The following RCL1 variants were observed in gnomAD, a reference collection of about 807,000 sequenced individuals.
RCL1 encodes RNA 3'-terminal phosphate cyclase-like protein.
Under a neutral mutation model 42.4 loss-of-function variants are expected in RCL1, and 24 were observed. That is an observed-to-expected ratio of 0.57 (90% CI 0.41 to 0.80). RCL1 has a LOEUF of 0.80. RCL1 is among the 30% of genes least tolerant of loss of function. The pLI, the probability that RCL1 is intolerant of heterozygous loss-of-function variation, is 0.00. For missense variants in RCL1, 578 were observed against 467.9 expected (o/e 1.24, Z -2.17); for synonymous variants, 228 against 177.3 (o/e 1.29, Z -2.27).
chr9:4,821,352 T>C (rs866734310), intron 1 of RCL1, among the ~76,000 whole-genome samples: 29 of 152,208 alleles, frequency 1.9e-4, no homozygotes, highest in African/African-American at 6.3e-4. Context: ...CAGGGCAGTC[T>C]GTTTGGCATT....
intron 6 of RCL1, among the ~76,000 whole-genome samples, chr9:4,842,594 T>C (rs556639471): frequency 3.6e-4 from 55 of 152,344 alleles, no homozygotes; most frequent in Admixed American, 2.7e-3. Context: ...CATTTATGCA[T>C]TGAGGGTGAT....
chr9:4,805,269 T>A (rs1843083752), intron 1 of RCL1, among the ~76,000 whole-genome samples: 1 of 152,096 alleles, frequency 6.6e-6, no homozygotes, highest in African/African-American at 2.4e-5. Context: ...GGACCTGTAG[T>A]CCCAGCTACT....
intron 1 of RCL1, among the ~76,000 whole-genome samples, chr9:4,813,676 T>C (rs990272794): frequency 1.3e-5 from 2 of 152,182 alleles, no homozygotes; most frequent in African/African-American, 4.8e-5. Flanking sequence ...GACCCAGCCA[T>C]CCCATTACTG....
Position 4,841,283 on chromosome 9 carries a change from A to G in RCL1, c.636A>G (p.Ala212=). ...PQMANRIVDS[A]RSILNKFIPD... ...TGGCGAACCGGATTGTGGATTCTGC[A>G]AGGAGCATCCTCAACAAGTTCATAC... Residue 212 remains alanine (A), a synonymous_variant, in exon 6 of 9, where the codon GCA becomes GCG. Transcript: ENST00000381750. 1 of 1,613,098 alleles carries G rather than the reference A, an allele frequency of 6.2e-7. No homozygotes were observed. Among genetic ancestry groups the G allele is most frequent in the East Asian group, 2.2e-5 (1 of 44,882 alleles).
rs1437635035 is a variant in RCL1 at position 4,860,513 on chromosome 9, CTT to C, written c.*239_*240del. ...CCAGTCACCATGAGAGCTCCCTTGC[CTT>C]ACCTGGAGGAAGAATGTGCCTTCAG... On this transcript the variant is annotated 3_prime_UTR_variant, in exon 9 of 9. Coordinates refer to ENST00000381750, the MANE Select transcript of RCL1 (RefSeq NM_005772.5). The C allele has an allele frequency of 8.5e-6, 4 of 471,250 alleles. No homozygotes were observed. The highest frequency in any genetic ancestry group is 1.5e-5 in the Non-Finnish European group (4 of 273,068). The allele number at this position is 471,250 out of a possible 1,614,324, so 29.2% of individuals were successfully genotyped here.
chr9:4,850,068 A>C lies in RCL1; in HGVS notation c.971+518A>C, dbSNP rs1010598542. ...GCAGAAGTTGACTGCTGTGGTGTAA[A>C]AGCAAGCACTCTTCAAAAAGAACAG... On this transcript the variant is annotated intron_variant, in intron 8 of 8. Coordinates refer to ENST00000381750, the MANE Select transcript of RCL1 (RefSeq NM_005772.5). Among the ~76,000 whole-genome samples, 5 of 152,198 alleles carry C rather than the reference A, an allele frequency of 3.3e-5. No homozygotes were observed. In the South Asian group the frequency reaches 1.0e-3, roughly 31 times the overall value.
chr9:4,844,358 T>C (rs952724305), intron 6 of RCL1, among the ~76,000 whole-genome samples, 167 bp from the exon 7 acceptor site: 2 of 152,196 alleles, frequency 1.3e-5, no homozygotes, highest in Non-Finnish European at 2.9e-5. Context: ...TTTTCTTTTC[T>C]GGTCAGCTAG....
chr9:4,856,542 G>A (rs757357828), intron 8 of RCL1, among the ~76,000 whole-genome samples: 13 of 152,110 alleles, frequency 8.5e-5, no homozygotes, highest in Non-Finnish European at 1.6e-4. Flanking sequence ...AAGCATTGCT[G>A]TTGAGGTACT....
chr9:4,839,302 T>C (rs781516282), intron 5 of RCL1, among the ~76,000 whole-genome samples: 6 of 152,200 alleles, frequency 3.9e-5, no homozygotes, highest in Non-Finnish European at 7.3e-5. Flanking sequence ...AAGATGCTTT[T>C]TGGGAGTCAG....
intron 7 of RCL1, among the ~76,000 whole-genome samples, chr9:4,847,463 C>T (rs934701518): frequency 6.6e-6 from 1 of 152,162 alleles, no homozygotes; most frequent in Non-Finnish European, 1.5e-5. Flanking sequence ...TCATCGGTTA[C>T]CAAGCCTTCT....
intron 1 of RCL1, among the ~76,000 whole-genome samples, chr9:4,800,528 T>C (rs1272329025): frequency 6.6e-6 from 1 of 152,002 alleles, no homozygotes; most frequent in Non-Finnish European, 1.5e-5. Context: ...TTTTTTTATT[T>C]TTTTATGTGA....
intron 3 of RCL1, among the ~76,000 whole-genome samples, chr9:4,831,716 A>G (rs917882495): frequency 2.0e-5 from 3 of 152,122 alleles, no homozygotes; most frequent in African/African-American, 7.2e-5. Context: ...GCTAATCTTC[A>G]GTGGTTTTCC....
intron 1 of RCL1, among the ~76,000 whole-genome samples, chr9:4,822,777 C>T (rs988374809): frequency 3.9e-5 from 6 of 152,180 alleles, no homozygotes; most frequent in Admixed American, 1.3e-4. Context: ...GACGTGATCA[C>T]GCCACTATAC....
chr9:4,819,014 A>G (rs1262432220), intron 1 of RCL1, among the ~76,000 whole-genome samples: 1 of 152,240 alleles, frequency 6.6e-6, no homozygotes, highest in African/African-American at 2.4e-5. Context: ...AGGCCATTTA[A>G]TGAAAACAGT....
chr9:4,841,630 C>G (rs989683970), intron 6 of RCL1, among the ~76,000 whole-genome samples: 1 of 152,176 alleles, frequency 6.6e-6, no homozygotes, highest in Non-Finnish European at 1.5e-5. Flanking sequence ...ATGCTTTAGG[C>G]TTTAAATTCC....
At chr9:4,808,776 C>T (rs757234876) in intron 1 of RCL1, among the ~76,000 whole-genome samples, 1 of 152,172 alleles carries the variant, frequency 6.6e-6, no homozygotes, top group Non-Finnish European at 1.5e-5. Context: ...TGAAAATTAT[C>T]ACAATCAAGG....
chr9:4,827,317 A>G (rs949105565), intron 3 of RCL1: 3 of 1,150,196 alleles, frequency 2.6e-6, no homozygotes, highest in African/African-American at 3.1e-5. Context: ...GACATGAACT[A>G]TAGTTCTGCT....
At position 4,855,286 on chromosome 9, in the gene RCL1, T is replaced by C. The variant is rs555922221; in HGVS notation, c.972-4839T>C. Among the ~76,000 whole-genome samples the C allele has an allele frequency of 3.9e-5, 6 of 152,034 alleles. No homozygotes were observed. In the East Asian group the frequency reaches 1.2e-3, roughly 29 times the overall value. On this transcript the variant is annotated intron_variant, in intron 8 of 8. Transcript: ENST00000381750. ...TAGAGCCCCTACTGCCTAGAATGGT[T>C]CTTCTGAAAAGCTGCTATTTGCGCT...
intron 7 of RCL1, among the ~76,000 whole-genome samples, chr9:4,844,972 G>T (rs1235377578): frequency 6.6e-6 from 1 of 152,186 alleles, no homozygotes; most frequent in Non-Finnish European, 1.5e-5. Context: ...AAGGAAGCAG[G>T]TAAGGTAAGG....
Sources: gnomAD v4.1 joint callset for allele counts (sites outside exome capture counted in the v4.1 genomes callset) on GRCh38, gnomAD v4.1.1 for gene constraint, MANE v1.5 for transcripts, NCBI Gene and HGNC (gene_info 2026-07-23, HGNC 2026-07-21) for gene names.